The following NOSTRIN variants were observed in gnomAD, a reference collection of about 807,000 sequenced individuals.
NOSTRIN encodes the protein BM247 homolog.
A neutral mutation model predicts 59.0 loss-of-function variants in NOSTRIN; 63 were observed. The ratio of observed to expected loss-of-function variants is 1.07; its 90% confidence interval spans 0.87 to 1.32. The LOEUF is 1.32. NOSTRIN is among the 40% of genes most tolerant of loss of function. The probability of loss-of-function intolerance (pLI) is 0.00; values close to 1 mark genes in which losing one functional copy is unlikely to be tolerated. For missense variants in NOSTRIN, 512 were observed against 473.1 expected (o/e 1.08, Z -0.76); for synonymous variants, 200 against 165.4 (o/e 1.21, Z -1.61).
intron 10 of NOSTRIN, among the ~76,000 whole-genome samples, chr2:168,854,899 C>A (rs1457406618): frequency 1.3e-5 from 2 of 152,186 alleles, no homozygotes; most frequent in African/African-American, 4.8e-5. Context: ...TAGCTCACAT[C>A]TTCCCAGTAC....
chr2:168,807,298 A>G (rs974330815), intron 1 of NOSTRIN, among the ~76,000 whole-genome samples: 1 of 152,124 alleles, frequency 6.6e-6, no homozygotes. Flanking sequence ...AGAGAGAACT[A>G]TATGGTCTCT....
At chr2:168,817,717 C>T (rs570961623) in intron 2 of NOSTRIN, among the ~76,000 whole-genome samples, 2 of 152,302 alleles carry the variant, frequency 1.3e-5, no homozygotes, top group Non-Finnish European at 2.9e-5. Context: ...CTCAGTGAGA[C>T]TCCCAAACTA....
chr2:168,792,480 C>T (rs925321179), intron 2 of NOSTRIN, among the ~76,000 whole-genome samples: 3 of 151,878 alleles, frequency 2.0e-5, no homozygotes, highest in East Asian at 1.9e-4. Context: ...GATGGAGTCC[C>T]GCTCTGTCAC....
intron 7 of NOSTRIN, among the ~76,000 whole-genome samples, chr2:168,839,884 C>CAAAAAAAAAAAAAAAAA (rs58341006): frequency 3.2e-5 from 1 of 31,164 alleles, no homozygotes; most frequent in Non-Finnish European, 4.7e-5. Context: ...GACTCCGTCT[C>CAAAAAAAAAAAAAAAAA]AAAAAAAAAA....
intron 1 of NOSTRIN, among the ~76,000 whole-genome samples, chr2:168,810,961 T>C (rs961696653): frequency 6.6e-6 from 1 of 152,200 alleles, no homozygotes; most frequent in African/African-American, 2.4e-5. Context: ...TAAATTCAAA[T>C]ATACATGAAT....
At chr2:168,841,257 A>AG (rs1688086173) in intron 7 of NOSTRIN, among the ~76,000 whole-genome samples, 3 of 141,258 alleles carry the variant, frequency 2.1e-5, no homozygotes, top group Admixed American at 1.4e-4. Flanking sequence ...AAAAAAAAAA[A>AG]AAAAGAAAAG....
intron 2 of NOSTRIN, among the ~76,000 whole-genome samples, chr2:168,819,525 G>T (rs1342491381): frequency 6.6e-6 from 1 of 152,182 alleles, no homozygotes; most frequent in Admixed American, 6.5e-5. Context: ...CATCTGTTGA[G>T]ATAAAAGCCG....
intron 2 of NOSTRIN, among the ~76,000 whole-genome samples, chr2:168,819,801 T>C (rs1196707843): frequency 2.0e-5 from 3 of 152,178 alleles, no homozygotes; most frequent in Non-Finnish European, 4.4e-5. Context: ...AATCGTGCTG[T>C]TCAGAGAGGC....
chr2:168,864,790 T>G, intron 15 of NOSTRIN, 44 bp from the exon 16 acceptor site: 1 of 1,608,964 alleles, frequency 6.2e-7, no homozygotes, highest in Non-Finnish European at 8.5e-7. Flanking sequence ...CTGAGGCATG[T>G]GTTCACATCA....
At chr2:168,811,520 G>A (rs368583308) in intron 1 of NOSTRIN, 47 bp from the exon 2 acceptor site, 28 of 696,742 alleles carry the variant, frequency 4.0e-5, no homozygotes, top group Admixed American at 2.6e-4. Flanking sequence ...GGAGTTGCTC[G>A]TAATCTTCCT....
Position 168,860,271 on chromosome 2 carries a change from G to A in NOSTRIN, c.1180-524G>A, listed in dbSNP as rs187226539. Reference sequence around the variant, plus strand: ...ACATAGGTTAGAATTGGAAACACAGGCTATAAAGTATAGTAATTGTGTAAT... The same window carrying A: ...ACATAGGTTAGAATTGGAAACACAGACTATAAAGTATAGTAATTGTGTAAT... On this transcript the variant is annotated intron_variant, in intron 13 of 15. Transcript: ENST00000317647. Among the ~76,000 whole-genome samples the A allele has an allele frequency of 6.5e-4, 99 of 152,328 alleles. 1 individual carries two copies. The highest frequency in any genetic ancestry group is 1.2e-3 in the Non-Finnish European group (79 of 68,028).
intron 1 of NOSTRIN, among the ~76,000 whole-genome samples, chr2:168,806,578 GTTA>G (rs1441847145): frequency 1.3e-5 from 2 of 152,132 alleles, no homozygotes; most frequent in East Asian, 3.9e-4. Context: ...TTGAGAAGGG[GTTA>G]TTATTTTTTT....
rs556225553 is a variant in NOSTRIN at position 168,838,000 on chromosome 2, C to T, written c.504+3675C>T. On this transcript the variant is annotated intron_variant, in intron 7 of 15. Coordinates refer to ENST00000317647, the MANE Select transcript of NOSTRIN (RefSeq NM_001039724.4). ...CTGGGCCTCACTCTATTCTCTTCAC[C>T]ATTGTCTCTCCAGTGTCTGATACAG... 2.0e-5 allele frequency among the ~76,000 whole-genome samples: 3 copies of T among 152,260 alleles called. No homozygotes were observed. In the East Asian group the frequency reaches 5.8e-4, roughly 29 times the overall value.
chr2:168,801,426 T>C (rs1391750796), upstream of NOSTRIN, among the ~76,000 whole-genome samples: 1 of 151,900 alleles, frequency 6.6e-6, no homozygotes, highest in East Asian at 1.9e-4. Context: ...TCCTGCTATA[T>C]TGCCCAGGCT....
chr2:168,840,529 C>CACA (rs1688021398), intron 7 of NOSTRIN, among the ~76,000 whole-genome samples: 1 of 99,324 alleles, frequency 1.0e-5, no homozygotes, highest in African/African-American at 3.6e-5. Flanking sequence ...GACTCCATCT[C>CACA]AAAAAAAAAA....
chr2:168,864,871 A>AAGGG lies in NOSTRIN; in HGVS notation c.1422_1423insAGGG (p.Trp475ArgfsTer68), dbSNP rs1559148771. On this transcript the variant is annotated frameshift_variant, in exon 16 of 16. Transcript: ENST00000317647. LOFTEE classifies it high-confidence loss of function. Reference sequence around the variant, plus strand: ...TTATACACGAGAAAAAAGAAGGAGGATGGTGGTTTGGATCTTTGAATGGGA... The same window carrying AAGGG: ...TTATACACGAGAAAAAAGAAGGAGGAAGGGTGGTGGTTTGGATCTTTGAATGGGA... 1 of 1,613,626 alleles carries AAGGG rather than the reference A, an allele frequency of 6.2e-7. No homozygotes were observed. Among genetic ancestry groups the AAGGG allele is most frequent in the South Asian group, 1.1e-5 (1 of 91,040 alleles).
At chr2:168,828,578 C>A in intron 5 of NOSTRIN, 77 bp downstream of exon 5, 1 of 586,948 alleles carries the variant, frequency 1.7e-6, no homozygotes, top group Non-Finnish European at 3.0e-6. Flanking sequence ...AAAAGGTGAT[C>A]TGAAAGTGGT....
At chr2:168,860,046 C>A (rs1248801565) in intron 13 of NOSTRIN, among the ~76,000 whole-genome samples, 2 of 152,160 alleles carry the variant, frequency 1.3e-5, no homozygotes, top group Non-Finnish European at 2.9e-5. Context: ...ATCAGTACAG[C>A]TCTGAAATGC....
chr2:168,808,140 C>A (rs1312778965), intron 1 of NOSTRIN, among the ~76,000 whole-genome samples: 2 of 152,178 alleles, frequency 1.3e-5, no homozygotes, highest in African/African-American at 4.8e-5. Context: ...AATGCAGCAG[C>A]CCCTGTAACC....
Sources: gnomAD v4.1 joint callset for allele counts (sites outside exome capture counted in the v4.1 genomes callset) on GRCh38, gnomAD v4.1.1 for gene constraint, MANE v1.5 for transcripts, NCBI Gene and HGNC (gene_info 2026-07-23, HGNC 2026-07-21) for gene names.